The following PACRG variants were observed in gnomAD, a reference collection of about 807,000 sequenced individuals.
The protein encoded by PACRG is parkin coregulated.
A neutral mutation model predicts 29.7 loss-of-function variants in PACRG; 29 were observed. That is an observed-to-expected ratio of 0.98 (90% CI 0.73 to 1.33). The LOEUF is 1.33. PACRG is among the 40% of genes most tolerant of loss of function. PACRG has a pLI of 0.00. For missense variants in PACRG, 279 were observed against 316.2 expected, an observed-to-expected ratio of 0.88 and a Z score of 0.89; for synonymous variants, 116 against 118.7, an observed-to-expected ratio of 0.98 and a Z score of 0.15.
At chr6:163,048,902 G>GCTTAGTGC (rs1285356992) in intron 2 of PACRG, among the ~76,000 whole-genome samples, 1 of 152,028 alleles carries the variant, frequency 6.6e-6, no homozygotes, top group Non-Finnish European at 1.5e-5. Context: ...TTGCTTTCTG[G>GCTTAGTGC]CTTAGTGCTT....
intron 4 of PACRG, among the ~76,000 whole-genome samples, chr6:163,124,248 T>C (rs1327083901): frequency 1.3e-5 from 2 of 152,228 alleles, no homozygotes; most frequent in Admixed American, 1.3e-4. Context: ...TAGGTGGCCT[T>C]TCCACTCTGT....
At chr6:163,121,302 A>T (rs1585239575) in intron 4 of PACRG, among the ~76,000 whole-genome samples, 1 of 152,220 alleles carries the variant, frequency 6.6e-6, no homozygotes, top group Non-Finnish European at 1.5e-5. Flanking sequence ...CAGGACTGTC[A>T]GTGCAATTGC....
intron 2 of PACRG, among the ~76,000 whole-genome samples, chr6:162,929,029 T>TA (rs909939740): frequency 1.3e-5 from 2 of 152,122 alleles, no homozygotes; most frequent in African/African-American, 4.8e-5. Context: ...GATGGTCACT[T>TA]ACGTTGATTC....
intron 2 of PACRG, among the ~76,000 whole-genome samples, chr6:162,908,026 A>G (rs1375450415): frequency 6.9e-5 from 10 of 145,328 alleles, no homozygotes; most frequent in East Asian, 1.9e-4. Context: ...GCAAATTTTG[A>G]GAGTTATACA....
At chr6:162,874,170 A>G (rs1187883540) in intron 2 of PACRG, among the ~76,000 whole-genome samples, 1 of 149,220 alleles carries the variant, frequency 6.7e-6, no homozygotes, top group Non-Finnish European at 1.5e-5. Flanking sequence ...ATATATATGT[A>G]TATATATGCT....
At chr6:162,821,519 G>A (rs770109986) in intron 2 of PACRG, among the ~76,000 whole-genome samples, 3 of 152,148 alleles carry the variant, frequency 2.0e-5, no homozygotes, top group African/African-American at 4.8e-5. Context: ...ACGACCACCA[G>A]GGTTGAAAAG....
intron 2 of PACRG, among the ~76,000 whole-genome samples, chr6:162,878,000 G>T (rs1441200304): frequency 6.6e-6 from 1 of 152,120 alleles, no homozygotes; most frequent in Non-Finnish European, 1.5e-5. Flanking sequence ...TTTACCTAAG[G>T]TTATAGATAG....
intron 2 of PACRG, among the ~76,000 whole-genome samples, chr6:163,000,764 T>C (rs927698466): frequency 3.3e-5 from 5 of 152,204 alleles, no homozygotes; most frequent in Non-Finnish European, 4.4e-5. Flanking sequence ...TGAACACTCC[T>C]ATGCTGCAGG....
rs1002365508 is a variant in PACRG, at chr6:163,046,077, T to C, written c.292-16073T>C. 3.3e-5 allele frequency among the ~76,000 whole-genome samples: 5 copies of C among 152,116 alleles called. No homozygotes were observed. In the South Asian group the frequency reaches 6.2e-4, roughly 19 times the overall value. ...TCAGCCTGCAGAGAGGGCTCCCTCC[T>C]GGCTCCCTGATATCACCTGCCAGTT... On this transcript the variant is annotated intron_variant, in intron 2 of 4. Transcript: ENST00000366888.
intron 4 of PACRG, among the ~76,000 whole-genome samples, chr6:163,121,494 C>G (rs969654468): frequency 1.3e-5 from 2 of 152,114 alleles, no homozygotes; most frequent in African/African-American, 4.8e-5. Flanking sequence ...ATCACTCTTA[C>G]AACTGTCACT....
intron 4 of PACRG, among the ~76,000 whole-genome samples, chr6:163,097,635 G>A (rs1159506527): frequency 6.6e-6 from 1 of 152,184 alleles, no homozygotes; most frequent in African/African-American, 2.4e-5. Context: ...CGATATGTGT[G>A]GGGTATACAT....
At chr6:163,102,571 C>T (rs1229965257) in intron 4 of PACRG, among the ~76,000 whole-genome samples, 1 of 151,988 alleles carries the variant, frequency 6.6e-6, no homozygotes, top group Non-Finnish European at 1.5e-5. Context: ...TATTTTTTTT[C>T]CAAATCTTTG....
chr6:163,009,819 A>G (rs1805449905), intron 2 of PACRG, among the ~76,000 whole-genome samples: 1 of 152,258 alleles, frequency 6.6e-6, no homozygotes, highest in Non-Finnish European at 1.5e-5. Context: ...TAAAAGGCTG[A>G]TAAACACTTT....
chr6:163,164,143 C>T (rs1778691876), intron 4 of PACRG, among the ~76,000 whole-genome samples: 1 of 151,968 alleles, frequency 6.6e-6, no homozygotes, highest in Non-Finnish European at 1.5e-5. Flanking sequence ...TTTTTGAAAA[C>T]ACTGAGGCCA....
chr6:163,046,160 G>C (rs766671571), intron 2 of PACRG, among the ~76,000 whole-genome samples: 13 of 150,824 alleles, frequency 8.6e-5, no homozygotes, highest in Non-Finnish European at 1.8e-4. Context: ...TGACTATGCT[G>C]TGCTCCCCTC....
chr6:163,170,206 T>G (rs35692970), intron 4 of PACRG, among the ~76,000 whole-genome samples: 14,544 of 152,064 alleles, frequency 0.096, 761 homozygotes, highest in South Asian at 0.14. Flanking sequence ...GGGGTGAGAC[T>G]GCTGGAGGAA....
rs768011309 is a variant in PACRG, at chr6:163,315,019, G to A, written c.*32G>A. 8.1e-6 allele frequency: 13 copies of A among 1,602,932 alleles called. No individual in the cohort carries two copies. Among genetic ancestry groups the A allele is most frequent in the East Asian group, 4.5e-5 (2 of 44,800 alleles). ...CAGCAGCTGGGACTTGAAACCTCCC[G>A]TTGGTGTTGGGATCATCTGTCTCTG... On this transcript the variant is annotated 3_prime_UTR_variant, in exon 5 of 5. Coordinates refer to ENST00000366888, the MANE Select transcript of PACRG (RefSeq NM_001080379.2).
intron 4 of PACRG, among the ~76,000 whole-genome samples, chr6:163,308,730 C>T (rs1431715137): frequency 6.6e-6 from 1 of 151,824 alleles, no homozygotes. Flanking sequence ...GGCTTAGTGT[C>T]GTCAAGAAAC....
chr6:163,190,887 A>G (rs2128360802), intron 4 of PACRG: 1 of 452,766 alleles, frequency 2.2e-6, no homozygotes, highest in East Asian at 7.0e-5. Flanking sequence ...TGTCCTGACA[A>G]ACAGCTCCAA....
Sources: allele counts gnomAD v4.1 joint callset (sites outside exome capture counted in the v4.1 genomes callset), GRCh38; gene constraint gnomAD v4.1.1; transcripts MANE v1.5; gene names NCBI Gene and HGNC (gene_info 2026-07-23, HGNC 2026-07-21).